SLC24A2: variants seen among roughly 807,000 people sequenced by gnomAD.
SLC24A2 encodes solute carrier family 24 member 2.
SLC24A2 carries 36 observed loss-of-function variants against 62.0 expected under a neutral mutation model. The ratio of observed to expected loss-of-function variants is 0.58; its 90% confidence interval spans 0.44 to 0.77. The LOEUF (loss-of-function observed/expected upper bound fraction) is 0.77. Ranked by LOEUF, SLC24A2 falls within the 30% of genes least tolerant of loss-of-function variation. The pLI is 0.00. For missense variants in SLC24A2, 846 were observed against 817.9 expected, an observed-to-expected ratio of 1.03 and a Z score of -0.42; for synonymous variants, 358 against 294.0, an observed-to-expected ratio of 1.22 and a Z score of -2.23.
chr9:20,245,458 T>C, the SLC24A2 span, among the ~76,000 whole-genome samples: 1 of 152,056 alleles, frequency 6.6e-6, no homozygotes, highest in African/African-American at 2.4e-5. Context: ...CCAGTATGGG[T>C]AGAGCATGGC....
At chr9:20,168,831 C>A in the SLC24A2 span, among the ~76,000 whole-genome samples, 1 of 151,962 alleles carries the variant, frequency 6.6e-6, no homozygotes, top group Non-Finnish European at 1.5e-5. Context: ...ACCACATGAC[C>A]CGGCAGTTTC....
chr9:20,051,345 T>G, the SLC24A2 span, among the ~76,000 whole-genome samples: 1 of 152,132 alleles, frequency 6.6e-6, no homozygotes, highest in African/African-American at 2.4e-5. Flanking sequence ...ATCTTTAGAA[T>G]ATATAAAGGA....
chr9:20,175,659 T>TA, the SLC24A2 span, among the ~76,000 whole-genome samples: 57 of 152,208 alleles, frequency 3.7e-4, no homozygotes, highest in Admixed American at 1.6e-3. Context: ...ACACTTTCTT[T>TA]AAAGCAAACA....
chr9:20,160,620 A>T, the SLC24A2 span, among the ~76,000 whole-genome samples: 100,018 of 150,960 alleles, frequency 0.66, 33,876 homozygotes, highest in East Asian at 0.78. Context: ...AAATCAAAAA[A>T]ACCATTTCAT....
In SLC24A2 at chr9:19,597,247, C is replaced by G; in HGVS notation, c.1111G>C (p.Asp371His). The change falls in exon 5 of 11, where the codon GAC becomes CAC. Residue 371 changes from aspartate (D) to histidine (H), a missense_variant. Coordinates refer to ENST00000341998, the MANE Select transcript of SLC24A2 (RefSeq NM_020344.4). The part of the protein sequence containing the change: ...LGSYGKLKYY[D>H]TMTEEGRFRE... ...TTCTTACCTTCTTCAGTCATTGTGT[C>G]ATAATATTTTAGTTTTCCATATGAT... The G allele has an allele frequency of 1.3e-6, 2 of 1,587,706 alleles. No homozygotes were observed. Among genetic ancestry groups the G allele is most frequent in the Non-Finnish European group, 1.7e-6 (2 of 1,156,166 alleles).
At chr9:19,549,281 G>A (rs1035804027) in intron 8 of SLC24A2, among the ~76,000 whole-genome samples, 1 of 152,102 alleles carries the variant, frequency 6.6e-6, no homozygotes, top group African/African-American at 2.4e-5. Context: ...ACGCTGTGGG[G>A]GTTTTAAAAC....
chr9:19,557,039 GC>G (rs1279640216), intron 7 of SLC24A2, among the ~76,000 whole-genome samples: 1 of 152,154 alleles, frequency 6.6e-6, no homozygotes, highest in Non-Finnish European at 1.5e-5. Flanking sequence ...CTTGAGACCA[GC>G]CCCCTCATTT....
the SLC24A2 span, among the ~76,000 whole-genome samples, chr9:20,122,921 G>A: frequency 1.3e-5 from 2 of 152,150 alleles, no homozygotes; most frequent in Non-Finnish European, 2.9e-5. Context: ...CTGAGAGCCA[G>A]TCAATAAATG....
chr9:19,643,082 T>C (rs918563604), intron 2 of SLC24A2, among the ~76,000 whole-genome samples: 2 of 150,676 alleles, frequency 1.3e-5, no homozygotes, highest in Non-Finnish European at 2.9e-5. Flanking sequence ...TAAAAACCAG[T>C]AAATTTTAAT....
chr9:19,760,752 T>A (rs944433250), intron 2 of SLC24A2, among the ~76,000 whole-genome samples: 1 of 152,114 alleles, frequency 6.6e-6, no homozygotes, highest in Admixed American at 6.6e-5. Context: ...ACCTTTTTTT[T>A]AATCCAGCCT....
At chr9:19,855,843 T>C in the SLC24A2 span, among the ~76,000 whole-genome samples, 1 of 152,236 alleles carries the variant, frequency 6.6e-6, no homozygotes, top group Admixed American at 6.5e-5. Context: ...TCTTGCTGGG[T>C]TGGGGAAGTT....
intron 5 of SLC24A2, among the ~76,000 whole-genome samples, chr9:19,578,939 A>C (rs1172185093): frequency 6.6e-6 from 1 of 152,228 alleles, no homozygotes; most frequent in Non-Finnish European, 1.5e-5. Context: ...ATGAATGTGC[A>C]CCACTGAGTA....
chr9:19,614,840 G>A (rs1258521633), intron 4 of SLC24A2, among the ~76,000 whole-genome samples: 1 of 152,014 alleles, frequency 6.6e-6, no homozygotes, highest in South Asian at 2.1e-4. Context: ...TTAAGCTTGA[G>A]TGAGGTCCTT....
At chr9:20,150,843 T>C in the SLC24A2 span, among the ~76,000 whole-genome samples, 3 of 151,924 alleles carry the variant, frequency 2.0e-5, no homozygotes, top group African/African-American at 7.2e-5. Context: ...ATGTAATATA[T>C]AGAGAAAGAG....
intron 4 of SLC24A2, among the ~76,000 whole-genome samples, chr9:19,602,469 A>T (rs1450486807): frequency 6.6e-6 from 1 of 152,246 alleles, no homozygotes; most frequent in East Asian, 1.9e-4. Flanking sequence ...TGCCAAAGGA[A>T]GTCTATGAAT....
At chr9:20,033,139 G>T in the SLC24A2 span, among the ~76,000 whole-genome samples, 1 of 152,212 alleles carries the variant, frequency 6.6e-6, no homozygotes. Context: ...GGTTTTATGT[G>T]TCTGAGAAAC....
chr9:19,569,050 C>G (rs1752987005), intron 7 of SLC24A2, among the ~76,000 whole-genome samples: 1 of 152,148 alleles, frequency 6.6e-6, no homozygotes, highest in Non-Finnish European at 1.5e-5. Context: ...ACATGAAGAG[C>G]TTCTCATTCC....
chr9:19,984,643 T>C, the SLC24A2 span, among the ~76,000 whole-genome samples: 2 of 152,154 alleles, frequency 1.3e-5, no homozygotes, highest in Non-Finnish European at 2.9e-5. Context: ...GAGGCAGAAG[T>C]TGCAGTGAGC....
At chr9:20,007,293 T>C in the SLC24A2 span, among the ~76,000 whole-genome samples, 2 of 152,168 alleles carry the variant, frequency 1.3e-5, no homozygotes, top group East Asian at 1.9e-4. Context: ...AGTGATCTCT[T>C]GGAAGTGGCT....
Sources: allele counts gnomAD v4.1 joint callset (sites outside exome capture counted in the v4.1 genomes callset), GRCh38; gene constraint gnomAD v4.1.1; transcripts MANE v1.5; gene names NCBI Gene and HGNC (gene_info 2026-07-23, HGNC 2026-07-21).